PAG1: variants seen among roughly 807,000 people sequenced by gnomAD.
PAG1 encodes phosphoprotein membrane anchor with glycosphingolipid microdomains 1.
In PAG1, 23 loss-of-function variants were observed where a neutral mutation model predicts 31.7. That is an observed-to-expected ratio of 0.73 (90% CI 0.52 to 1.03). The LOEUF is 1.03. Ranked by LOEUF, PAG1 falls within the 50% of genes least tolerant of loss-of-function variation. The pLI is 0.00. For missense variants in PAG1, 473 were observed against 540.7 expected, an observed-to-expected ratio of 0.87 and a Z score of 1.24; for synonymous variants, 214 against 210.3, an observed-to-expected ratio of 1.02 and a Z score of -0.15.
intron 1 of PAG1, among the ~76,000 whole-genome samples, chr8:81,101,386 T>C (rs1809607833): frequency 6.6e-6 from 1 of 152,136 alleles, no homozygotes; most frequent in Admixed American, 6.6e-5. Flanking sequence ...TATCAGGACT[T>C]ATGATCAATA....
At chr8:81,079,198 A>G (rs560669291) in intron 1 of PAG1, among the ~76,000 whole-genome samples, 5 of 151,790 alleles carry the variant, frequency 3.3e-5, no homozygotes, top group Non-Finnish European at 7.4e-5. Context: ...CAGCTCAAAC[A>G]CTAATTTCTG....
chr8:81,090,007 C>G (rs996209940), intron 1 of PAG1, among the ~76,000 whole-genome samples: 9 of 152,298 alleles, frequency 5.9e-5, no homozygotes, highest in Admixed American at 3.9e-4. Flanking sequence ...CTCTTTTATG[C>G]ATTTCAATAG....
chr8:81,100,728 T>C (rs1275348879), intron 1 of PAG1, among the ~76,000 whole-genome samples: 6 of 152,232 alleles, frequency 3.9e-5, no homozygotes, highest in African/African-American at 1.4e-4. Context: ...TAGCAAATGA[T>C]GATTCTCTGA....
intron 3 of PAG1, among the ~76,000 whole-genome samples, chr8:80,999,561 C>T (rs1057450306): frequency 2.6e-5 from 4 of 152,092 alleles, no homozygotes; most frequent in African/African-American, 9.7e-5. Context: ...GGAGAGAGAC[C>T]GGCACTCATC....
chr8:81,045,079 C>G (rs985564076), intron 2 of PAG1, among the ~76,000 whole-genome samples: 1 of 152,184 alleles, frequency 6.6e-6, no homozygotes, highest in Non-Finnish European at 1.5e-5. Flanking sequence ...AGCAAAGTCA[C>G]CACACACAGA....
intron 1 of PAG1, among the ~76,000 whole-genome samples, chr8:81,096,362 A>C (rs757693156): frequency 1.5e-4 from 23 of 152,182 alleles, no homozygotes; most frequent in Admixed American, 3.9e-4. Flanking sequence ...ACTTTATAAA[A>C]AAGGCTACCC....
intron 2 of PAG1, among the ~76,000 whole-genome samples, chr8:81,053,791 A>T (rs1382224857): frequency 6.6e-6 from 1 of 152,188 alleles, no homozygotes; most frequent in East Asian, 1.9e-4. Flanking sequence ...ATTTTAAGGT[A>T]GATATGGGGC....
intron 2 of PAG1, among the ~76,000 whole-genome samples, chr8:81,054,150 T>C (rs561256135): frequency 7.9e-5 from 12 of 152,114 alleles, no homozygotes; most frequent in Non-Finnish European, 1.5e-4. Context: ...GAAGAACATA[T>C]GTACGTAAGG....
intron 1 of PAG1, among the ~76,000 whole-genome samples, chr8:81,076,788 ACTCAATATTTATTACTGC>A (rs1449430621): frequency 3.3e-5 from 5 of 152,216 alleles, no homozygotes; most frequent in African/African-American, 4.8e-5. Flanking sequence ...AACATTTATT[ACTCAATATTTATTACTGC>A]CTCAATATTT....
At position 81,040,415 on chromosome 8, in the gene PAG1, G is replaced by A. The variant is rs1808534316; in HGVS notation, c.-174-10326C>T. Among the ~76,000 whole-genome samples the A allele has an allele frequency of 2.0e-5, 3 of 151,916 alleles. 1 individual carries two copies. Among genetic ancestry groups the A allele is most frequent in the South Asian group, 4.2e-4 (2 of 4,798 alleles). ...GTGGTGGCTTAGCCATTTCACCTAC[G>A]CTACCTGTGCTTCTTCCCCTAATCA... On this transcript the variant is annotated intron_variant, in intron 2 of 8. Transcript: ENST00000220597.
chr8:80,984,553 A>T (rs1281044224), intron 7 of PAG1, among the ~76,000 whole-genome samples: 1 of 152,210 alleles, frequency 6.6e-6, no homozygotes, highest in Non-Finnish European at 1.5e-5. Context: ...AAATGTGAAA[A>T]TATCCAAGTA....
At chr8:81,083,338 A>G (rs1809299380) in intron 1 of PAG1, among the ~76,000 whole-genome samples, 1 of 152,148 alleles carries the variant, frequency 6.6e-6, no homozygotes, top group African/African-American at 2.4e-5. Flanking sequence ...TGGGGAGGGT[A>G]GAAACCCAGG....
At chr8:80,994,169 T>C (rs780692970) in intron 3 of PAG1, among the ~76,000 whole-genome samples, 42 of 152,140 alleles carry the variant, frequency 2.8e-4, no homozygotes, top group Non-Finnish European at 5.6e-4. Flanking sequence ...CCCACTGTTG[T>C]CTGAGAAGGT....
intron 1 of PAG1, among the ~76,000 whole-genome samples, chr8:81,097,539 C>T (rs187557689): frequency 6.6e-6 from 1 of 151,994 alleles, no homozygotes; most frequent in East Asian, 1.9e-4. Context: ...AAGTTATTGG[C>T]AGAGGCTGGA....
chr8:81,008,400 T>C (rs980518492), intron 3 of PAG1, among the ~76,000 whole-genome samples: 3 of 151,956 alleles, frequency 2.0e-5, no homozygotes, highest in African/African-American at 7.2e-5. Context: ...TGTAAGGTGT[T>C]CTGCAGTAGC....
rs891950162 is a variant in PAG1 at position 80,968,257 on chromosome 8, C to T, written c.*8287G>A. ...GCATTCGTGCTTATCTCTATTATTT[C>T]GTTTGTCCCCATAACATCTCTATGA... On this transcript the variant is annotated 3_prime_UTR_variant, in exon 9 of 9. Transcript: ENST00000220597. 1.3e-5 allele frequency: 2 copies of T among 152,192 alleles called. No homozygotes were observed. The highest frequency in any genetic ancestry group is 6.5e-5 in the Admixed American group (1 of 15,274). 9.4% of individuals were successfully genotyped at this position (152,192 alleles called of 1,614,324 possible). A position where few individuals can be genotyped will look rare whatever the true frequency, so the allele number is the denominator to read the frequency against.
chr8:81,101,054 G>C (rs1174200372), intron 1 of PAG1, among the ~76,000 whole-genome samples: 1 of 152,194 alleles, frequency 6.6e-6, no homozygotes, highest in Non-Finnish European at 1.5e-5. Context: ...GCCACTATTA[G>C]CAAATAACTC....
chr8:81,094,341 C>G (rs1586216332), intron 1 of PAG1, among the ~76,000 whole-genome samples: 1 of 152,164 alleles, frequency 6.6e-6, no homozygotes, highest in Non-Finnish European at 1.5e-5. Flanking sequence ...TGTTTTCAAG[C>G]CAGCTTTTAA....
At position 81,074,175 on chromosome 8, in the gene PAG1, T is replaced by C. The variant is rs554310450; in HGVS notation, c.-233-4005A>G. Among the ~76,000 whole-genome samples, 4 of 152,254 alleles carry C rather than the reference T, an allele frequency of 2.6e-5. No individual in the cohort carries two copies. The South Asian group carries it at 6.2e-4, about 24-fold the overall frequency. ...CAGAAAAGCAGAACAATGGACAGAA[T>C]AGCGGCACAGGGACCCACTGAGACG... On this transcript the variant is annotated intron_variant, in intron 1 of 8. Coordinates refer to ENST00000220597, the MANE Select transcript of PAG1 (RefSeq NM_018440.4).
Sources: allele counts gnomAD v4.1 joint callset (sites outside exome capture counted in the v4.1 genomes callset), GRCh38; gene constraint gnomAD v4.1.1; transcripts MANE v1.5; gene names NCBI Gene and HGNC (gene_info 2026-07-23, HGNC 2026-07-21).